The following SNX24 variants were observed in gnomAD, a reference collection of about 807,000 sequenced individuals.
SNX24 encodes the protein sorting nexin-24.
A neutral mutation model predicts 28.7 loss-of-function variants in SNX24; 22 were observed. That is an observed-to-expected ratio of 0.77 (90% CI 0.55 to 1.10). SNX24 has a LOEUF of 1.10. Ranked by LOEUF, SNX24 falls within the 50% of genes least tolerant of loss-of-function variation. The probability of loss-of-function intolerance (pLI) is 0.00; values close to 1 mark genes in which losing one functional copy is unlikely to be tolerated. For missense variants in SNX24, 221 were observed against 201.1 expected (o/e 1.10, Z -0.60); for synonymous variants, 69 against 71.5 (o/e 0.96, Z 0.18).
At chr5:123,000,145 G>C (rs997575600) in intron 4 of SNX24, 139 bp downstream of exon 4, 3 of 642,620 alleles carry the variant, frequency 4.7e-6, no homozygotes, top group Non-Finnish European at 8.3e-6. Context: ...GCACTCGCTC[G>C]CCCCCTGCTT....
intron 3 of SNX24, among the ~76,000 whole-genome samples, chr5:122,982,311 A>G (rs1761427038): frequency 6.6e-6 from 1 of 152,204 alleles, no homozygotes. Context: ...CTTTGAACAC[A>G]TGTTTAATCA....
chr5:122,952,958 G>A (rs1235160770), intron 3 of SNX24, among the ~76,000 whole-genome samples: 1 of 152,196 alleles, frequency 6.6e-6, no homozygotes, highest in East Asian at 1.9e-4. Flanking sequence ...GTCCCAGAAG[G>A]AAAGGGGATG....
chr5:122,954,689 T>C (rs1308066102), intron 3 of SNX24, among the ~76,000 whole-genome samples: 1 of 151,700 alleles, frequency 6.6e-6, no homozygotes, highest in Non-Finnish European at 1.5e-5. Flanking sequence ...TTGCAAAATA[T>C]TGTGACACTT....
intron 1 of SNX24, among the ~76,000 whole-genome samples, chr5:122,929,827 A>T (rs1050605185): frequency 4.6e-5 from 7 of 151,304 alleles, no homozygotes; most frequent in African/African-American, 1.5e-4. Context: ...TTTTTTCTCT[A>T]CTTTGTTTCT....
At chr5:122,975,170 T>C (rs929306897) in intron 3 of SNX24, among the ~76,000 whole-genome samples, 2 of 152,186 alleles carry the variant, frequency 1.3e-5, no homozygotes, top group African/African-American at 4.8e-5. Context: ...CTGTTATAGC[T>C]CTTATGGTAT....
At chr5:122,895,899 A>G (rs939185316) in intron 1 of SNX24, among the ~76,000 whole-genome samples, 4 of 152,254 alleles carry the variant, frequency 2.6e-5, no homozygotes, top group Admixed American at 2.6e-4. Flanking sequence ...CTGTAATCCC[A>G]GCACTTTGGA....
intron 3 of SNX24, among the ~76,000 whole-genome samples, chr5:122,993,990 C>T (rs1392232155): frequency 6.6e-6 from 1 of 152,066 alleles, no homozygotes; most frequent in Non-Finnish European, 1.5e-5. Context: ...GCTTTTGTGA[C>T]AAAGAGGTTC....
At chr5:122,859,251 A>G (rs758143438) in intron 1 of SNX24, among the ~76,000 whole-genome samples, 3 of 152,092 alleles carry the variant, frequency 2.0e-5, no homozygotes, top group Non-Finnish European at 1.5e-5. Flanking sequence ...GCCAAAGCAG[A>G]CTTGAGCCCA....
chr5:122,987,859 A>G (rs907046261), intron 3 of SNX24, among the ~76,000 whole-genome samples: 1 of 152,348 alleles, frequency 6.6e-6, no homozygotes. Flanking sequence ...TACCAAGTCT[A>G]TAGAACAAAT....
chr5:122,848,530 C>A (rs1489249031), intron 1 of SNX24, among the ~76,000 whole-genome samples: 1 of 144,200 alleles, frequency 6.9e-6, no homozygotes, highest in African/African-American at 2.6e-5. Flanking sequence ...TGGTGAAATC[C>A]CATCTCTACT....
intron 5 of SNX24, among the ~76,000 whole-genome samples, chr5:123,021,010 C>T (rs1256043160): frequency 6.6e-6 from 1 of 152,184 alleles, no homozygotes; most frequent in South Asian, 2.1e-4. Flanking sequence ...ACCTCCCCTG[C>T]TCTGTTCATC....
chr5:122,900,446 G>C (rs1441982038), intron 1 of SNX24, among the ~76,000 whole-genome samples: 1 of 152,030 alleles, frequency 6.6e-6, no homozygotes, highest in Admixed American at 6.6e-5. Flanking sequence ...ATTCTATATG[G>C]CCATGTAAAA....
intron 1 of SNX24, among the ~76,000 whole-genome samples, chr5:122,865,702 G>A (rs1342977104): frequency 6.6e-6 from 1 of 152,216 alleles, no homozygotes; most frequent in Non-Finnish European, 1.5e-5. Context: ...GTCATGATGA[G>A]GATGGAGGTG....
At chr5:123,016,581 A>C (rs1439990396) in intron 5 of SNX24, among the ~76,000 whole-genome samples, 1 of 152,198 alleles carries the variant, frequency 6.6e-6, no homozygotes, top group African/African-American at 2.4e-5. Context: ...CAGGATTTGA[A>C]GCAGAGAGAC....
At chr5:122,960,705 C>T (rs1760454625) in intron 3 of SNX24, among the ~76,000 whole-genome samples, 1 of 152,134 alleles carries the variant, frequency 6.6e-6, no homozygotes, top group Non-Finnish European at 1.5e-5. Flanking sequence ...AGATTAAACT[C>T]AACTGAGACT....
intron 1 of SNX24, among the ~76,000 whole-genome samples, chr5:122,923,585 T>C (rs1758540705): frequency 6.6e-6 from 1 of 152,194 alleles, no homozygotes; most frequent in South Asian, 2.1e-4. Context: ...GCCTGCGTTC[T>C]TTCACGGACA....
intron 1 of SNX24, among the ~76,000 whole-genome samples, chr5:122,878,276 G>T (rs762114564): frequency 6.6e-6 from 1 of 152,098 alleles, no homozygotes; most frequent in Non-Finnish European, 1.5e-5. Context: ...CTGTTGTGTG[G>T]TTCTGGAGAC....
At chr5:122,972,365 C>T (rs1427464917) in intron 3 of SNX24, among the ~76,000 whole-genome samples, 2 of 152,104 alleles carry the variant, frequency 1.3e-5, no homozygotes, top group Admixed American at 6.5e-5. Context: ...TTCCTAGACG[C>T]GTGAATCCTG....
chr5:122,927,727 G>A (rs558425414), intron 1 of SNX24, among the ~76,000 whole-genome samples: 87 of 152,280 alleles, frequency 5.7e-4, no homozygotes, highest in African/African-American at 2.0e-3. Flanking sequence ...GCCCCTATTT[G>A]ACTTCTGTTT....
Sources: gnomAD v4.1 joint callset for allele counts (sites outside exome capture counted in the v4.1 genomes callset) on GRCh38, gnomAD v4.1.1 for gene constraint, MANE v1.5 for transcripts, NCBI Gene and HGNC (gene_info 2026-07-23, HGNC 2026-07-21) for gene names.